Variants in ORC2 observed in about 807,000 individuals in gnomAD.
The protein encoded by ORC2 is origin recognition complex subunit 2.
In ORC2, 37 loss-of-function variants were observed where a neutral mutation model predicts 77.7. The observed-to-expected ratio is 0.48, with a 90% CI of 0.37 to 0.63. The LOEUF (loss-of-function observed/expected upper bound fraction) is 0.63, where lower values mean the gene tolerates loss of function less well. Among genes scored for constraint, ORC2 ranks in the 20% least tolerant of loss-of-function variants. ORC2 has a pLI of 0.00. For missense variants in ORC2, 557 were observed against 661.9 expected, an observed-to-expected ratio of 0.84 and a Z score of 1.74; for synonymous variants, 201 against 229.5, an observed-to-expected ratio of 0.88 and a Z score of 1.12.
chr2:200,942,748 T>C lies in ORC2; in HGVS notation c.358A>G (p.Ser120Gly). The C allele has an allele frequency of 6.2e-7, 1 of 1,609,568 alleles. No homozygotes were observed. Among genetic ancestry groups the C allele is most frequent in the South Asian group, 1.1e-5 (1 of 90,234 alleles). Residue 120 changes from serine (S) to glycine (G), a missense_variant, in exon 6 of 18, where the codon AGT (serine) becomes GGT (glycine). Coordinates refer to ENST00000234296, the MANE Select transcript of ORC2 (RefSeq NM_006190.5). ...ASELAKTPQK[S>G]VSFSLKNDPE... is the part of the protein sequence containing the mutation. ...TCATTCTTCAAACTGAATGAAACAC[T>C]TTTTTGTGGTGTTTTTGCTAGTTCT...
intron 15 of ORC2, among the ~76,000 whole-genome samples, chr2:200,918,523 C>T (rs1316303257): frequency 6.7e-6 from 1 of 150,372 alleles, no homozygotes; most frequent in Admixed American, 6.6e-5. Flanking sequence ...GAGGCTCACT[C>T]TGTCACCCAG....
intron 10 of ORC2, among the ~76,000 whole-genome samples, chr2:200,932,904 A>T (rs1257283521): frequency 3.9e-5 from 6 of 152,124 alleles, no homozygotes; most frequent in African/African-American, 1.4e-4. Context: ...AAAAATGCTT[A>T]TTGTCACATG....
In ORC2 at chr2:200,932,312, AT is replaced by A. The variant is rs2040957254; in HGVS notation, c.808-865del. ...AGTGTGAACACTAGAATGTTATCTCATGTATGTACTTTCATTTCAAACTTTT... is the reference window on the plus strand; with the variant it reads ...AGTGTGAACACTAGAATGTTATCTCAGTATGTACTTTCATTTCAAACTTTT... On this transcript the variant is annotated intron_variant, in intron 10 of 17. Coordinates refer to ENST00000234296, the MANE Select transcript of ORC2 (RefSeq NM_006190.5). 3.4e-5 allele frequency among the ~76,000 whole-genome samples: 5 copies of A among 149,210 alleles called. No individual in the cohort carries two copies. In the South Asian group the frequency reaches 1.1e-3, roughly 32 times the overall value.
At chr2:200,914,503 G>T (rs2040607438) in intron 15 of ORC2, among the ~76,000 whole-genome samples, 1 of 152,266 alleles carries the variant, frequency 6.6e-6, no homozygotes, top group African/African-American at 2.4e-5. Flanking sequence ...TATAGGCTGA[G>T]TGTGGTGCCT....
chr2:200,939,188 TA>T (rs967825773), intron 7 of ORC2, among the ~76,000 whole-genome samples: 47 of 151,952 alleles, frequency 3.1e-4, no homozygotes, highest in Admixed American at 5.9e-4. Flanking sequence ...TATATATAAC[TA>T]AAAAAAATTA....
chr2:200,928,190 T>C (rs899283173), intron 11 of ORC2, among the ~76,000 whole-genome samples: 6 of 151,748 alleles, frequency 4.0e-5, no homozygotes, highest in Non-Finnish European at 7.4e-5. Flanking sequence ...ATCCTGTCTC[T>C]ACTAAAAATA....
chr2:200,913,460 G>T, intron 16 of ORC2, 47 bp from the exon 17 acceptor site: 1 of 1,530,614 alleles, frequency 6.5e-7, no homozygotes, highest in South Asian at 1.2e-5. Flanking sequence ...CTTAAGACAT[G>T]ACCCAATATA....
At chr2:200,927,849 ACCATGC>A (rs1408058603) in intron 11 of ORC2, among the ~76,000 whole-genome samples, 1 of 150,514 alleles carries the variant, frequency 6.6e-6, no homozygotes, top group Non-Finnish European at 1.5e-5. Context: ...GGCGCCCGCC[ACCATGC>A]CCAGCTAATT....
chr2:200,934,622 C>T (rs1403650745), intron 9 of ORC2, among the ~76,000 whole-genome samples: 1 of 151,656 alleles, frequency 6.6e-6, no homozygotes, highest in African/African-American at 2.4e-5. Flanking sequence ...AGCCACCATG[C>T]CTGGCTTCAA....
chr2:200,910,447 CA>C lies in ORC2; in HGVS notation c.*853del, dbSNP rs2040531793. 2 of 152,126 alleles carry C rather than the reference CA, an allele frequency of 1.3e-5. No individual in the cohort carries two copies. Among genetic ancestry groups the C allele is most frequent in the South Asian group, 4.2e-4 (2 of 4,816 alleles). 9.4% of individuals were successfully genotyped at this position (152,126 alleles called of 1,614,324 possible). A position where few individuals can be genotyped will look rare whatever the true frequency, so the allele number is the denominator to read the frequency against. On this transcript the variant is annotated 3_prime_UTR_variant, in exon 18 of 18. Coordinates refer to ENST00000234296, the MANE Select transcript of ORC2 (RefSeq NM_006190.5). ...CAGCCATTAATATGCTACTCACCTG[CA>C]TGTTGTTCAAGAAAAGAAAAATATG... is the stretch of plus-strand genomic sequence containing the variant.
intron 4 of ORC2, among the ~76,000 whole-genome samples, chr2:200,952,454 G>A (rs905122185): frequency 1.3e-5 from 2 of 151,832 alleles, no homozygotes; most frequent in African/African-American, 4.8e-5. Flanking sequence ...GTAGGGACAG[G>A]GTTTCACTGT....
At chr2:200,948,566 G>A (rs1427781676) in intron 5 of ORC2, among the ~76,000 whole-genome samples, 1 of 151,452 alleles carries the variant, frequency 6.6e-6, no homozygotes, top group African/African-American at 2.4e-5. Context: ...GGGTTTTTTT[G>A]TTTGTTTGTT....
intron 9 of ORC2, among the ~76,000 whole-genome samples, chr2:200,935,258 G>A (rs1287034470): frequency 6.6e-6 from 1 of 152,180 alleles, no homozygotes; most frequent in Non-Finnish European, 1.5e-5. Context: ...GCGTAGCTGG[G>A]ATTACAGGCA....
intron 1 of ORC2, among the ~76,000 whole-genome samples, chr2:200,962,349 AAC>A (rs1225195869): frequency 6.6e-6 from 1 of 152,266 alleles, no homozygotes; most frequent in East Asian, 1.9e-4. Flanking sequence ...AAGTGGTAGC[AAC>A]ACACTCTCCT....
rs1276820174 is a variant in ORC2, at chr2:200,913,357, C to A, written c.1585G>T (p.Asp529Tyr). The A allele has an allele frequency of 1.9e-6, 3 of 1,601,472 alleles. No individual in the cohort carries two copies. Among genetic ancestry groups the A allele is most frequent in the South Asian group, 1.1e-5 (1 of 90,900 alleles). Reference protein sequence around the residue: ...QCREAFLVNSDLTLRAQLTEF... With the variant: ...QCREAFLVNSYLTLRAQLTEF... ...GTTAACTGGGCCCGGAGTGTCAGAT[C>A]ACTATTGACGAGGAATGCCTCCCGA... The change falls in exon 17 of 18, where the codon GAT (aspartate) becomes TAT (tyrosine). Residue 529 changes from aspartate (D) to tyrosine (Y), a missense_variant. Transcript: ENST00000234296.
intron 13 of ORC2, 57 bp from the exon 14 acceptor site, chr2:200,921,196 G>A (rs1266066398): frequency 8.3e-7 from 1 of 1,203,318 alleles, no homozygotes; most frequent in Non-Finnish European, 1.1e-6. Flanking sequence ...GTCTCACTCT[G>A]TTGCCTAGGC....
intron 4 of ORC2, among the ~76,000 whole-genome samples, chr2:200,952,734 T>C (rs887925616): frequency 7.2e-5 from 11 of 151,918 alleles, no homozygotes; most frequent in Non-Finnish European, 1.0e-4. Flanking sequence ...AAAAGTATCA[T>C]TAAGTTATCA....
At chr2:200,915,360 C>T (rs2040628035) in intron 15 of ORC2, among the ~76,000 whole-genome samples, 1 of 152,008 alleles carries the variant, frequency 6.6e-6, no homozygotes, top group African/African-American at 2.4e-5. Flanking sequence ...GAAGTTTTAA[C>T]AACTGCTTAT....
rs1466409915 is a variant in ORC2 at position 200,913,319 on chromosome 2, G to A, written c.1623C>T (p.Asp541=). Residue 541 remains aspartate, a synonymous_variant, in exon 17 of 18, where the codon GAC becomes GAT. Transcript: ENST00000234296. ...CCTTCTTTGTTCTTATAAGCTTGTG[G>A]TCCCTAAATTCAGTTAACTGGGCCC... ...TLRAQLTEFR[D]HKLIRTKKGT... 6.3e-7 allele frequency: 1 copy of A among 1,598,292 alleles called. No individual in the cohort carries two copies. Among genetic ancestry groups the A allele is most frequent in the Non-Finnish European group, 8.5e-7 (1 of 1,169,858 alleles).
Sources: gnomAD v4.1 joint callset for allele counts (sites outside exome capture counted in the v4.1 genomes callset) on GRCh38, gnomAD v4.1.1 for gene constraint, MANE v1.5 for transcripts, NCBI Gene and HGNC (gene_info 2026-07-23, HGNC 2026-07-21) for gene names.